Variants in AGBL1 observed in about 807,000 individuals in gnomAD.
AGBL1 encodes the protein AGBL carboxypeptidase 1.
A neutral mutation model predicts 118.9 loss-of-function variants in AGBL1; 130 were observed. The observed-to-expected ratio is 1.09, with a 90% CI of 0.95 to 1.26. AGBL1 has a LOEUF of 1.26. Among genes scored for constraint, AGBL1 ranks in the 50% most tolerant of loss-of-function variants. AGBL1 has a pLI of 0.00. For missense variants in AGBL1, 1,584 were observed against 1,298.1 expected (o/e 1.22, Z -3.38); for synonymous variants, 555 against 478.9 (o/e 1.16, Z -2.08).
At chr15:86,645,487 G>T (rs1567100622) in intron 21 of AGBL1, among the ~76,000 whole-genome samples, 1 of 152,166 alleles carries the variant, frequency 6.6e-6, no homozygotes, top group Admixed American at 6.5e-5. Flanking sequence ...ATTTTATTTA[G>T]CATATGTAGA....
chr15:86,168,253 C>T (rs2077369089), intron 5 of AGBL1, among the ~76,000 whole-genome samples: 1 of 152,094 alleles, frequency 6.6e-6, no homozygotes, highest in Non-Finnish European at 1.5e-5. Flanking sequence ...GGGAGGGTTT[C>T]AGTCTGCTCA....
At chr15:86,795,990 C>T (rs1478704252) in intron 22 of AGBL1, among the ~76,000 whole-genome samples, 1 of 151,996 alleles carries the variant, frequency 6.6e-6, no homozygotes, top group Admixed American at 6.5e-5. Context: ...GAACCCAACA[C>T]GTGTACATGA....
At chr15:86,868,634 T>C (rs1365515414) in intron 22 of AGBL1, among the ~76,000 whole-genome samples, 1 of 152,220 alleles carries the variant, frequency 6.6e-6, no homozygotes, top group African/African-American at 2.4e-5. Context: ...TAACGAAATA[T>C]GACTATCTAG....
chr15:86,654,742 G>T (rs930554851), intron 21 of AGBL1, among the ~76,000 whole-genome samples: 1 of 152,060 alleles, frequency 6.6e-6, no homozygotes, highest in Non-Finnish European at 1.5e-5. Context: ...TGACCTCCCA[G>T]TCCCCTTCAT....
intron 18 of AGBL1, among the ~76,000 whole-genome samples, chr15:86,496,591 T>A (rs926537410): frequency 6.6e-6 from 1 of 152,084 alleles, no homozygotes; most frequent in Non-Finnish European, 1.5e-5. Context: ...ACATCATTTT[T>A]TAACTTCCTT....
chr15:86,290,030 G>C (rs1198585786), intron 16 of AGBL1, among the ~76,000 whole-genome samples: 5 of 152,126 alleles, frequency 3.3e-5, no homozygotes, highest in African/African-American at 1.2e-4. Context: ...CTGCCTTTCA[G>C]TTTTCAAGAA....
intron 21 of AGBL1, among the ~76,000 whole-genome samples, chr15:86,572,095 C>G (rs1268737340): frequency 6.6e-6 from 1 of 152,224 alleles, no homozygotes; most frequent in African/African-American, 2.4e-5. Context: ...ATTGCCCAGG[C>G]TCAGCCCTGA....
chr15:86,659,298 G>A (rs760348876), intron 21 of AGBL1, among the ~76,000 whole-genome samples: 6 of 152,156 alleles, frequency 3.9e-5, no homozygotes, highest in Non-Finnish European at 8.8e-5. Context: ...ACTATTTAAA[G>A]AGCCATTAAT....
chr15:86,326,949 G>A (rs1187754588), intron 17 of AGBL1, among the ~76,000 whole-genome samples: 7 of 143,964 alleles, frequency 4.9e-5, no homozygotes, highest in Admixed American at 1.4e-4. Context: ...TTTTAATTTT[G>A]CACAGAGCAT....
At chr15:86,750,159 T>G (rs1461109599) in intron 22 of AGBL1, among the ~76,000 whole-genome samples, 2 of 152,062 alleles carry the variant, frequency 1.3e-5, no homozygotes, top group Non-Finnish European at 2.9e-5. Flanking sequence ...AGTTTTCTAG[T>G]CAAATAACTG....
At chr15:86,449,872 G>A (rs1430935927) in intron 18 of AGBL1, among the ~76,000 whole-genome samples, 1 of 152,054 alleles carries the variant, frequency 6.6e-6, no homozygotes, top group African/African-American at 2.4e-5. Flanking sequence ...TGCTATGATG[G>A]CCAGTGACAT....
chr15:86,878,464 C>T (rs1354918931), intron 22 of AGBL1, among the ~76,000 whole-genome samples: 3 of 152,184 alleles, frequency 2.0e-5, no homozygotes, highest in African/African-American at 7.2e-5. Context: ...CTCCACAAGG[C>T]CATCCCTCCT....
chr15:86,177,801 A>AT lies in AGBL1; in HGVS notation c.488+18776dup, dbSNP rs549480974. ...GATGCCACATTCTTGGGGGAAATTT[A>AT]TAGACCAGTAGGCACATATCAGAAA... On this transcript the variant is annotated intron_variant, in intron 5 of 22. Transcript: ENST00000614907. 2.6e-5 allele frequency among the ~76,000 whole-genome samples: 4 copies of AT among 152,366 alleles called. No homozygotes were observed. In the East Asian group the frequency reaches 7.7e-4, roughly 29 times the overall value.
intron 3 of AGBL1, among the ~76,000 whole-genome samples, chr15:86,152,171 T>G (rs1422854997): frequency 6.6e-6 from 1 of 152,172 alleles, no homozygotes; most frequent in African/African-American, 2.4e-5. Context: ...AAACTATTTT[T>G]AAATTTCATA....
intron 18 of AGBL1, among the ~76,000 whole-genome samples, chr15:86,449,468 A>G (rs539429669): frequency 6.6e-6 from 1 of 152,328 alleles, no homozygotes; most frequent in Middle Eastern, 3.4e-3. Context: ...TTGAACGTCT[A>G]TGCTATGGAG....
At chr15:86,637,749 G>T (rs991243502) in intron 21 of AGBL1, among the ~76,000 whole-genome samples, 4 of 152,042 alleles carry the variant, frequency 2.6e-5, no homozygotes, top group Admixed American at 2.0e-4. Context: ...ACTTGATTAT[G>T]GATTAAACAG....
At chr15:86,102,346 T>C (rs991937631) in intron 1 of AGBL1, among the ~76,000 whole-genome samples, 2 of 152,116 alleles carry the variant, frequency 1.3e-5, no homozygotes, top group Admixed American at 6.5e-5. Flanking sequence ...AGGGCTCCTT[T>C]CTCTTCTTTA....
At chr15:86,135,575 A>G (rs1028167016) in intron 1 of AGBL1, among the ~76,000 whole-genome samples, 4 of 152,150 alleles carry the variant, frequency 2.6e-5, no homozygotes, top group Admixed American at 6.5e-5. Flanking sequence ...GCTCTGTCAG[A>G]TTGCATATTC....
chr15:86,356,796 C>CTT (rs1435116549), intron 17 of AGBL1, among the ~76,000 whole-genome samples: 8 of 152,160 alleles, frequency 5.3e-5, no homozygotes, highest in Admixed American at 1.3e-4. Flanking sequence ...TGCTCTGTAG[C>CTT]TCTTCTGTGG....
Sources: allele counts gnomAD v4.1 joint callset (sites outside exome capture counted in the v4.1 genomes callset), GRCh38; gene constraint gnomAD v4.1.1; transcripts MANE v1.5; gene names NCBI Gene and HGNC (gene_info 2026-07-23, HGNC 2026-07-21).